CCDC171: variants seen among roughly 807,000 people sequenced by gnomAD.
CCDC171 encodes coiled-coil domain-containing protein 171.
Under a neutral mutation model 168.2 loss-of-function variants are expected in CCDC171, and 177 were observed. The observed-to-expected ratio is 1.05, with a 90% CI of 0.93 to 1.19. CCDC171 has a LOEUF of 1.19. Ranked by LOEUF, CCDC171 falls within the 50% of genes most tolerant of loss-of-function variation. CCDC171 has a pLI of 0.00. For synonymous variants in CCDC171, 687 were observed against 540.8 expected (o/e 1.27, Z -3.75); for missense variants, 1,991 against 1,539.0 (o/e 1.29, Z -4.91).
chr9:15,620,039 T>A (rs1025108410), intron 6 of CCDC171, among the ~76,000 whole-genome samples: 1 of 152,162 alleles, frequency 6.6e-6, no homozygotes, highest in African/African-American at 2.4e-5. Flanking sequence ...AAAAAAAGAT[T>A]CTTCTCAAAA....
intron 1 of CCDC171, among the ~76,000 whole-genome samples, chr9:16,047,159 CT>C (rs777108755): frequency 7.2e-5 from 11 of 152,186 alleles, no homozygotes; most frequent in Non-Finnish European, 1.3e-4. Context: ...AGCTCAGACC[CT>C]TTAGGGTGGT....
intron 3 of CCDC171, among the ~76,000 whole-genome samples, chr9:15,988,194 A>G (rs1832059245): frequency 6.6e-6 from 1 of 152,230 alleles, no homozygotes; most frequent in Non-Finnish European, 1.5e-5. Context: ...GCAACAACTA[A>G]CAAATGGCAG....
In CCDC171 at chr9:15,878,928, CA is replaced by C. The variant is rs574000130; in HGVS notation, c.3600+4266del. 3.9e-5 allele frequency among the ~76,000 whole-genome samples: 6 copies of C among 152,142 alleles called. No homozygotes were observed. The South Asian group carries it at 1.0e-3, about 26-fold the overall frequency. On this transcript the variant is annotated intron_variant, in intron 24 of 25. Transcript: ENST00000380701. ...GTAAGTGGGAGCTAAATGATGAGAA[CA>C]CATGGACACAAAGAGGGGAACAATT...
chr9:15,955,016 G>C (rs547779066), intron 25 of CCDC171, among the ~76,000 whole-genome samples: 1 of 151,980 alleles, frequency 6.6e-6, no homozygotes, highest in African/African-American at 2.4e-5. Context: ...TTTTTTTGCT[G>C]TTGTTGAAAA....
the CCDC171 span, among the ~76,000 whole-genome samples, chr9:16,083,444 C>T: frequency 6.6e-6 from 1 of 152,128 alleles, no homozygotes; most frequent in Non-Finnish European, 1.5e-5. Flanking sequence ...AGATCACATC[C>T]AGAATATTTC....
chr9:15,711,826 C>T (rs538227374), intron 11 of CCDC171, among the ~76,000 whole-genome samples: 1 of 152,270 alleles, frequency 6.6e-6, no homozygotes, highest in South Asian at 2.1e-4. Flanking sequence ...GTACTTAGTC[C>T]TTCTTTTTCT....
intron 4 of CCDC171, among the ~76,000 whole-genome samples, chr9:15,584,405 G>A (rs983426176): frequency 6.6e-6 from 1 of 152,174 alleles, no homozygotes; most frequent in Non-Finnish European, 1.5e-5. Flanking sequence ...ATATGAAGAC[G>A]CAAAGAACCA....
chr9:15,587,573 G>T (rs1316482473), intron 4 of CCDC171: 1 of 453,562 alleles, frequency 2.2e-6, no homozygotes, highest in Non-Finnish European at 4.4e-6. Context: ...CGAATACAAA[G>T]CCAGGAGGAA....
chr9:15,657,098 A>C (rs1295378914), intron 7 of CCDC171, 29 bp from the exon 8 acceptor site: 4 of 1,315,968 alleles, frequency 3.0e-6, no homozygotes, highest in Non-Finnish European at 4.3e-6. Context: ...ACCAATGTTT[A>C]TGAATTTAAA....
At chr9:16,075,241 T>G in the CCDC171 span, among the ~76,000 whole-genome samples, 1 of 152,208 alleles carries the variant, frequency 6.6e-6, no homozygotes. Context: ...TTCAGCACCC[T>G]AATTCGTTAT....
chr9:15,812,646 C>T (rs921687893), intron 21 of CCDC171, among the ~76,000 whole-genome samples: 7 of 152,194 alleles, frequency 4.6e-5, no homozygotes, highest in South Asian at 2.1e-4. Context: ...GCAGAGCAAG[C>T]GACTATGGAG....
At chr9:15,992,158 G>A (rs1377881305) in intron 3 of CCDC171, among the ~76,000 whole-genome samples, 2 of 152,194 alleles carry the variant, frequency 1.3e-5, no homozygotes, top group African/African-American at 4.8e-5. Flanking sequence ...TATCCCTGAT[G>A]AACATCGATG....
At chr9:16,065,058 C>T (rs1833976720), downstream of CCDC171, among the ~76,000 whole-genome samples, 1 of 152,172 alleles carries the variant, frequency 6.6e-6, no homozygotes, top group South Asian at 2.1e-4. Context: ...CCCTTAATAT[C>T]TTGTGGGGGT....
rs568525116 is a variant in CCDC171, at chr9:15,932,031, G to C, written c.3753+11609G>C. 3.9e-5 allele frequency among the ~76,000 whole-genome samples: 6 copies of C among 152,004 alleles called. No individual in the cohort carries two copies. In the South Asian group the frequency reaches 1.2e-3, roughly 31 times the overall value. ...TTGCAGTATATTTTGAAGTCAGGTA[G>C]TATGATGCCTGTGGCTTTGTTTCAT... is the stretch of plus-strand genomic sequence containing the variant. On this transcript the variant is annotated intron_variant, in intron 25 of 25. Coordinates refer to ENST00000380701, the MANE Select transcript of CCDC171 (RefSeq NM_173550.4).
chr9:15,798,634 A>G (rs1006140663), intron 21 of CCDC171, among the ~76,000 whole-genome samples: 2 of 152,144 alleles, frequency 1.3e-5, no homozygotes, highest in African/African-American at 4.8e-5. Flanking sequence ...GGTCAAGTGT[A>G]GCCCACTGTC....
At chr9:15,952,529 G>A (rs199928979) in intron 25 of CCDC171, among the ~76,000 whole-genome samples, 1 of 151,870 alleles carries the variant, frequency 6.6e-6, no homozygotes, top group Non-Finnish European at 1.5e-5. Flanking sequence ...TCCCAAGTAG[G>A]TGGGACTACA....
In CCDC171 at chr9:15,921,137, T is replaced by G. The variant is rs1825270354; in HGVS notation, c.3753+715T>G. On this transcript the variant is annotated intron_variant, in intron 25 of 25. Transcript: ENST00000380701. ...GAATGTCTTTTTAATTTTTTTTGGT[T>G]TGATTACAGTGACTTATAAAGAAAA... 4.0e-5 allele frequency among the ~76,000 whole-genome samples: 6 copies of G among 151,756 alleles called. No individual in the cohort carries two copies. In the South Asian group the frequency reaches 1.2e-3, roughly 31 times the overall value.
At chr9:15,791,188 G>A (rs542665228) in intron 21 of CCDC171, among the ~76,000 whole-genome samples, 17 of 152,156 alleles carry the variant, frequency 1.1e-4, no homozygotes, top group African/African-American at 3.6e-4. Context: ...TACCTTGGGC[G>A]GTATGGCCAT....
At chr9:15,595,611 A>G (rs1441526849) in intron 6 of CCDC171, among the ~76,000 whole-genome samples, 1 of 152,150 alleles carries the variant, frequency 6.6e-6, no homozygotes, top group East Asian at 1.9e-4. Flanking sequence ...AGAAACATAC[A>G]TCTGCATGTG....
Sources: gnomAD v4.1 joint callset for allele counts (sites outside exome capture counted in the v4.1 genomes callset) on GRCh38, gnomAD v4.1.1 for gene constraint, MANE v1.5 for transcripts, NCBI Gene and HGNC (gene_info 2026-07-23, HGNC 2026-07-21) for gene names.